GPHN: variants seen among roughly 807,000 people sequenced by gnomAD.
GPHN encodes gephyrin.
Under a neutral mutation model 95.5 loss-of-function variants are expected in GPHN, and 17 were observed. The observed-to-expected ratio is 0.18, with a 90% CI of 0.12 to 0.27. The LOEUF is 0.27. GPHN is among the 10% of genes least tolerant of loss of function. GPHN has a pLI of 1.00. For synonymous variants in GPHN, 320 were observed against 322.5 expected (o/e 0.99, Z 0.08); for missense variants, 660 against 978.1 (o/e 0.67, Z 4.34).
At chr14:67,711,699 T>TC in the GPHN span, among the ~76,000 whole-genome samples, 1 of 152,186 alleles carries the variant, frequency 6.6e-6, no homozygotes, top group Admixed American at 6.5e-5. Context: ...ATAACCTGTT[T>TC]CACAACACTA....
intron 1 of GPHN, among the ~76,000 whole-genome samples, chr14:66,605,790 C>T (rs2140889497): frequency 6.6e-6 from 1 of 152,174 alleles, no homozygotes; most frequent in South Asian, 2.1e-4. Context: ...CCTCGGCCTC[C>T]CAAAGTGCTG....
the GPHN span, among the ~76,000 whole-genome samples, chr14:67,225,929 G>GTGTGTA: frequency 9.3e-6 from 1 of 107,062 alleles, no homozygotes; most frequent in Non-Finnish European, 1.7e-5. Context: ...TGCTGTGAGT[G>GTGTGTA]TGTGTGTGTG....
chr14:66,864,224 T>C (rs1475769717), intron 4 of GPHN, among the ~76,000 whole-genome samples: 1 of 152,122 alleles, frequency 6.6e-6, no homozygotes, highest in Non-Finnish European at 1.5e-5. Flanking sequence ...ATACTCAGCA[T>C]CATTGATTAT....
chr14:67,696,275 T>C, the GPHN span, among the ~76,000 whole-genome samples: 1 of 152,180 alleles, frequency 6.6e-6, no homozygotes, highest in Admixed American at 6.5e-5. Flanking sequence ...GGTTCAGTTT[T>C]CCCCAATCCT....
intron 12 of GPHN, among the ~76,000 whole-genome samples, chr14:67,095,800 G>A (rs1195151203): frequency 6.6e-6 from 1 of 151,716 alleles, no homozygotes; most frequent in Admixed American, 6.6e-5. Context: ...GAGCAGGGAG[G>A]GATAGCATTA....
intron 1 of GPHN, among the ~76,000 whole-genome samples, chr14:66,667,685 A>G (rs2066049476): frequency 6.6e-6 from 1 of 151,974 alleles, no homozygotes; most frequent in Non-Finnish European, 1.5e-5. Flanking sequence ...GTAAAACCCG[A>G]AACTATAAAA....
chr14:67,025,384 G>T, intron 10 of GPHN, among the ~76,000 whole-genome samples: 1 of 152,250 alleles, frequency 6.6e-6, no homozygotes, highest in Middle Eastern at 3.4e-3. Context: ...TTTCTTGTAA[G>T]ACTGGTGTCC....
intron 2 of GPHN, among the ~76,000 whole-genome samples, chr14:66,747,512 C>A (rs1404221706): frequency 7.2e-5 from 11 of 151,832 alleles, no homozygotes; most frequent in Non-Finnish European, 1.5e-5. Context: ...CGAGTACTGA[C>A]TCTTGGCCTG....
At chr14:67,001,840 G>C (rs2072252743) in intron 9 of GPHN, among the ~76,000 whole-genome samples, 1 of 151,662 alleles carries the variant, frequency 6.6e-6, no homozygotes, top group Non-Finnish European at 1.5e-5. Context: ...CACAGATTTG[G>C]TTTACCACCA....
chr14:66,781,312 G>A (rs1324675989), intron 3 of GPHN, among the ~76,000 whole-genome samples: 1 of 151,754 alleles, frequency 6.6e-6, no homozygotes, highest in East Asian at 1.9e-4. Flanking sequence ...TACCTCCCCG[G>A]TTCAAGCAAT....
the GPHN span, among the ~76,000 whole-genome samples, chr14:67,636,573 T>C: frequency 6.6e-6 from 1 of 152,196 alleles, no homozygotes; most frequent in African/African-American, 2.4e-5. Flanking sequence ...ATTGCTAAGG[T>C]CAGGTAAGGC....
the GPHN span, among the ~76,000 whole-genome samples, chr14:67,430,422 G>A: frequency 6.6e-6 from 1 of 152,232 alleles, no homozygotes; most frequent in Non-Finnish European, 1.5e-5. Flanking sequence ...CTGGTCCCCT[G>A]GAATGCCTGG....
At chr14:66,939,597 T>A (rs2067303982) in intron 8 of GPHN, among the ~76,000 whole-genome samples, 1 of 152,054 alleles carries the variant, frequency 6.6e-6, no homozygotes, top group African/African-American at 2.4e-5. Context: ...CCTCTGCAAA[T>A]GGTGTGGGAT....
chr14:66,938,693 A>G (rs1224664788), intron 8 of GPHN, among the ~76,000 whole-genome samples: 1 of 152,216 alleles, frequency 6.6e-6, no homozygotes. Context: ...TTTTGAAACT[A>G]TCTCTGTTGA....
In GPHN at chr14:66,924,265, T is replaced by C; in HGVS notation, c.801T>C (p.Asn267=). ...HGEQPIPGLI[N]YSHHSTDERI... is the part of the protein sequence containing the mutation. ...AACAGCCCATCCCTGGTCTCATCAA[T>C]TATTCCCATCATTCAACAGATGAAC... Residue 267 remains asparagine (N), a synonymous_variant, in exon 8 of 23, where the codon AAT becomes AAC. Transcript: ENST00000478722. 1.2e-6 allele frequency: 2 copies of C among 1,608,464 alleles called. No individual in the cohort carries two copies. Among genetic ancestry groups the C allele is most frequent in the Non-Finnish European group, 1.7e-6 (2 of 1,174,774 alleles).
chr14:67,175,788 C>T (rs1595499456), intron 21 of GPHN, among the ~76,000 whole-genome samples: 1 of 152,194 alleles, frequency 6.6e-6, no homozygotes, highest in East Asian at 1.9e-4. Flanking sequence ...TGAAGAGGTC[C>T]TTCACATCCC....
At chr14:67,160,165 T>C (rs1414554912) in intron 19 of GPHN, among the ~76,000 whole-genome samples, 1 of 152,142 alleles carries the variant, frequency 6.6e-6, no homozygotes, top group Non-Finnish European at 1.5e-5. Context: ...GAGAACATTT[T>C]CTGCCCCCAC....
chr14:67,336,848 CT>C, the GPHN span: 7 of 441,316 alleles, frequency 1.6e-5, no homozygotes, highest in Non-Finnish European at 2.7e-5. Context: ...AGATTTTATT[CT>C]GTGAGCAGCA....
At chr14:67,712,640 C>A in the GPHN span, among the ~76,000 whole-genome samples, 1 of 151,784 alleles carries the variant, frequency 6.6e-6, no homozygotes, top group Non-Finnish European at 1.5e-5. Context: ...TTTAAAAAAT[C>A]TTTTAAAATC....
Sources: gnomAD v4.1 joint callset for allele counts (sites outside exome capture counted in the v4.1 genomes callset) on GRCh38, gnomAD v4.1.1 for gene constraint, MANE v1.5 for transcripts, NCBI Gene and HGNC (gene_info 2026-07-23, HGNC 2026-07-21) for gene names.